The following NAV3 variants were observed in gnomAD, a reference collection of about 807,000 sequenced individuals.
NAV3 encodes the protein pore membrane and/or filament interacting like protein 1.
Under a neutral mutation model 244.7 loss-of-function variants are expected in NAV3, and 87 were observed. That is an observed-to-expected ratio of 0.36 (90% confidence interval 0.30 to 0.42). The LOEUF is 0.42. Ranked by LOEUF, NAV3 falls within the 20% of genes least tolerant of loss-of-function variation. NAV3 has a pLI of 1.00. For synonymous variants in NAV3, 1,126 were observed against 1,042.2 expected (o/e 1.08, Z -1.55); for missense variants, 2,663 against 2,893.3 (o/e 0.92, Z 1.83).
At chr12:77,792,811 C>T (rs4761320) in intron 2 of NAV3, among the ~76,000 whole-genome samples, 148,001 of 152,232 alleles carry the variant, frequency 0.97, 72,096 homozygotes, top group East Asian at 1. Flanking sequence ...CACTTAATCT[C>T]ATCTTGATGT....
chr12:77,747,492 A>G (rs1181960904), intron 2 of NAV3, among the ~76,000 whole-genome samples: 1 of 152,202 alleles, frequency 6.6e-6, no homozygotes, highest in Non-Finnish European at 1.5e-5. Flanking sequence ...TCAGGGATGT[A>G]GAACTAGAAA....
intron 1 of NAV3, among the ~76,000 whole-genome samples, chr12:77,895,858 A>AT (rs1241484887): frequency 6.6e-6 from 1 of 150,628 alleles, no homozygotes; most frequent in African/African-American, 2.4e-5. Context: ...AACTCATATA[A>AT]AAGTATAAAT....
intron 1 of NAV3, among the ~76,000 whole-genome samples, chr12:77,840,173 T>C (rs1342765625): frequency 6.6e-6 from 1 of 152,168 alleles, no homozygotes; most frequent in Non-Finnish European, 1.5e-5. Context: ...GGCTATGAAA[T>C]AGTGTGTTGT....
chr12:77,918,785 G>A lies in NAV3; in HGVS notation c.244-21534G>A, dbSNP rs117983220. On this transcript the variant is annotated intron_variant, in intron 1 of 39. Coordinates refer to ENST00000397909, the MANE Select transcript of NAV3 (RefSeq NM_001024383.2). The stretch of plus-strand genomic sequence containing the variant: ...ATGTCAGCTCAGAGTTCCAAGAGCA[G>A]CAAATAAGCCAAAGCCATCGTACAA... Among the ~76,000 whole-genome samples the A allele has an allele frequency of 2.0e-3, 310 of 152,158 alleles. 4 individuals carry two copies. In the East Asian group the frequency reaches 0.031, roughly 15 times the overall value.
chr12:77,933,120 AT>A (rs143244183), intron 1 of NAV3, among the ~76,000 whole-genome samples: 1 of 151,876 alleles, frequency 6.6e-6, no homozygotes, highest in African/African-American at 2.4e-5. Flanking sequence ...CATAAGGGAC[AT>A]TTTTTTTGAA....
chr12:77,985,852 T>A (rs1423158690), intron 5 of NAV3, among the ~76,000 whole-genome samples: 1 of 152,186 alleles, frequency 6.6e-6, no homozygotes, highest in Non-Finnish European at 1.5e-5. Flanking sequence ...TGATTTCCTA[T>A]TTGATCTGTT....
chr12:78,198,722 G>A, intron 36 of NAV3, 46 bp downstream of exon 36: 1 of 1,014,804 alleles, frequency 9.9e-7, no homozygotes, highest in African/African-American at 1.8e-5. Flanking sequence ...TTTGTTTTGT[G>A]TTGGGGGGGG....
At chr12:77,701,853 A>AT (rs1454762762) in intron 2 of NAV3, among the ~76,000 whole-genome samples, 1 of 151,672 alleles carries the variant, frequency 6.6e-6, no homozygotes, top group Admixed American at 6.6e-5. Flanking sequence ...GTAAGAGTTA[A>AT]TTTTTTTGAA....
At chr12:77,871,382 G>GCACC (rs1880929886) in intron 1 of NAV3, among the ~76,000 whole-genome samples, 1 of 152,176 alleles carries the variant, frequency 6.6e-6, no homozygotes, top group Middle Eastern at 3.4e-3. Flanking sequence ...ATTATTTGCT[G>GCACC]CACCCATCAA....
At chr12:78,092,838 T>C (rs1954034343) in intron 12 of NAV3, among the ~76,000 whole-genome samples, 1 of 152,128 alleles carries the variant, frequency 6.6e-6, no homozygotes, top group Admixed American at 6.5e-5. Flanking sequence ...CCATATTCGC[T>C]TGGGTCTTCA....
At chr12:77,966,022 G>C (rs927643424) in intron 3 of NAV3, among the ~76,000 whole-genome samples, 1 of 152,068 alleles carries the variant, frequency 6.6e-6, no homozygotes, top group Non-Finnish European at 1.5e-5. Flanking sequence ...TTTATGAATT[G>C]TTTGTAAGTA....
intron 6 of NAV3, 108 bp from the exon 7 acceptor site, chr12:77,998,229 A>C: frequency 1.3e-6 from 1 of 759,620 alleles, no homozygotes; most frequent in Non-Finnish European, 1.9e-6. Context: ...TTTCTGCTAA[A>C]TAGATTTTAG....
At chr12:77,586,088 G>A (rs1207450435) in intron 2 of NAV3, among the ~76,000 whole-genome samples, 1 of 152,038 alleles carries the variant, frequency 6.6e-6, no homozygotes, top group Non-Finnish European at 1.5e-5. Context: ...CGTGAACCCG[G>A]GAGGCGGAGC....
chr12:77,986,440 T>C (rs1870521795), intron 5 of NAV3, among the ~76,000 whole-genome samples: 1 of 152,160 alleles, frequency 6.6e-6, no homozygotes, highest in African/African-American at 2.4e-5. Context: ...AAGCATAAGT[T>C]GAAACAATTC....
At chr12:77,668,013 C>T (rs986366708) in intron 2 of NAV3, among the ~76,000 whole-genome samples, 3 of 152,216 alleles carry the variant, frequency 2.0e-5, no homozygotes, top group Non-Finnish European at 4.4e-5. Flanking sequence ...GGTAGCTCCA[C>T]TGGGTGGCTA....
chr12:77,681,653 T>C (rs771061127), intron 2 of NAV3, among the ~76,000 whole-genome samples: 1 of 152,122 alleles, frequency 6.6e-6, no homozygotes, highest in Non-Finnish European at 1.5e-5. Context: ...CTGTGATGGC[T>C]GATTTTCCCT....
At chr12:78,058,455 G>A (rs1883840369) in intron 11 of NAV3, among the ~76,000 whole-genome samples, 1 of 152,064 alleles carries the variant, frequency 6.6e-6, no homozygotes, top group Non-Finnish European at 1.5e-5. Context: ...CCCCTCCCTT[G>A]ACACATGGGG....
intron 2 of NAV3, among the ~76,000 whole-genome samples, chr12:77,760,566 G>A (rs746992502): frequency 2.6e-5 from 4 of 152,116 alleles, no homozygotes; most frequent in Non-Finnish European, 4.4e-5. Flanking sequence ...TAAGTAGAAC[G>A]TCAAAGCCAT....
At chr12:77,722,973 T>C (rs1876705874) in intron 2 of NAV3, among the ~76,000 whole-genome samples, 1 of 152,088 alleles carries the variant, frequency 6.6e-6, no homozygotes, top group Non-Finnish European at 1.5e-5. Flanking sequence ...TCATTCTGAA[T>C]ATGATTTTTT....
Sources: gnomAD v4.1 joint callset for allele counts (sites outside exome capture counted in the v4.1 genomes callset) on GRCh38, gnomAD v4.1.1 for gene constraint, MANE v1.5 for transcripts, NCBI Gene and HGNC (gene_info 2026-07-23, HGNC 2026-07-21) for gene names.